Variants in GALNT11 observed in about 807,000 individuals in gnomAD.
GALNT11 encodes the protein polypeptide N-acetylgalactosaminyltransferase 11, also known as UDP-GalNAc:polypeptide N-acetylgalactosaminyltransferase 11.
In GALNT11, 47 loss-of-function variants were observed where a neutral mutation model predicts 72.7. The observed-to-expected ratio is 0.65, with a 90% confidence interval of 0.51 to 0.82. The LOEUF (loss-of-function observed/expected upper bound fraction) is 0.82. Ranked by LOEUF, GALNT11 falls within the 40% of genes least tolerant of loss-of-function variation. GALNT11 has a pLI of 0.00. For missense variants in GALNT11, 677 were observed against 778.4 expected (o/e 0.87, Z 1.55); for synonymous variants, 270 against 286.6 (o/e 0.94, Z 0.58).
Position 152,121,775 on chromosome 7 carries a change from C to T in GALNT11, c.*98C>T. The T allele has an allele frequency of 6.9e-7, 1 of 1,453,970 alleles. No individual in the cohort carries two copies. Among genetic ancestry groups the T allele is most frequent in the South Asian group, 1.3e-5 (1 of 75,078 alleles). 90.1% of individuals were successfully genotyped at this position (1,453,970 alleles called of 1,614,324 possible). On this transcript the variant is annotated 3_prime_UTR_variant, in exon 12 of 12. Coordinates refer to ENST00000430044, the MANE Select transcript of GALNT11 (RefSeq NM_022087.4). ...CCTGGGTTGGGTGGAGCAGAACCATCTTGGAGAAGATGACAGTTCCCTGTC... is the reference window on the plus strand; with the variant it reads ...CCTGGGTTGGGTGGAGCAGAACCATTTTGGAGAAGATGACAGTTCCCTGTC...
At chr7:152,031,083 A>T (rs2082285286) in intron 1 of GALNT11, among the ~76,000 whole-genome samples, 1 of 152,214 alleles carries the variant, frequency 6.6e-6, no homozygotes, top group African/African-American at 2.4e-5. Flanking sequence ...ACCTGTATAC[A>T]CATTTATTCT....
At chr7:152,106,034 C>G (rs1379232926) in intron 5 of GALNT11, among the ~76,000 whole-genome samples, 1 of 151,946 alleles carries the variant, frequency 6.6e-6, no homozygotes, top group Non-Finnish European at 1.5e-5. Flanking sequence ...TATATTGATT[C>G]TGTTGTATTT....
chr7:152,064,201 T>G (rs1227510058), intron 1 of GALNT11, among the ~76,000 whole-genome samples: 5 of 152,222 alleles, frequency 3.3e-5, no homozygotes, highest in Non-Finnish European at 5.9e-5. Flanking sequence ...TTGATCCCTT[T>G]ACCGTTATGT....
intron 1 of GALNT11, among the ~76,000 whole-genome samples, chr7:152,080,335 A>G (rs2085244967): frequency 6.6e-6 from 1 of 152,182 alleles, no homozygotes; most frequent in African/African-American, 2.4e-5. Context: ...AATCTTTTCC[A>G]TAGTTGTTCT....
Position 152,121,767 on chromosome 7 carries a change from A to T in GALNT11, c.*90A>T. 2 of 1,492,850 alleles carry T rather than the reference A, an allele frequency of 1.3e-6. No homozygotes were observed. Among genetic ancestry groups the T allele is most frequent in the South Asian group, 2.6e-5 (2 of 77,786 alleles). The allele number at this position is 1,492,850 out of a possible 1,614,324, so 92.5% of individuals were successfully genotyped here. ...TAGGAAAGCCTGGGTTGGGTGGAGC[A>T]GAACCATCTTGGAGAAGATGACAGT... On this transcript the variant is annotated 3_prime_UTR_variant, in exon 12 of 12. Transcript: ENST00000430044.
intron 1 of GALNT11, among the ~76,000 whole-genome samples, chr7:152,050,180 C>T (rs1321880048): frequency 1.3e-5 from 2 of 152,018 alleles, no homozygotes; most frequent in African/African-American, 4.8e-5. Flanking sequence ...AAGCAGAAGT[C>T]CCTTTCTGTA....
chr7:152,032,465 C>T (rs10235320), intron 1 of GALNT11, among the ~76,000 whole-genome samples: 23,743 of 151,082 alleles, frequency 0.16, 4,623 homozygotes, highest in African/African-American at 0.46. Flanking sequence ...TACTGCCTCA[C>T]TGATGAGTCT....
chr7:152,036,066 A>T (rs1050040527), intron 1 of GALNT11, among the ~76,000 whole-genome samples: 4 of 152,078 alleles, frequency 2.6e-5, no homozygotes, highest in African/African-American at 9.7e-5. Flanking sequence ...TCATTCCCTT[A>T]AGCTTTCAGG....
intron 1 of GALNT11, among the ~76,000 whole-genome samples, chr7:152,029,892 G>A (rs1033973564): frequency 2.6e-5 from 4 of 152,264 alleles, no homozygotes; most frequent in Non-Finnish European, 5.9e-5. Context: ...TTTTTGATAG[G>A]AAGGCTATGG....
chr7:152,037,970 A>T (rs1455544367), intron 1 of GALNT11, among the ~76,000 whole-genome samples: 2 of 151,966 alleles, frequency 1.3e-5, no homozygotes, highest in African/African-American at 4.8e-5. Context: ...GGGTCTCTCC[A>T]TGTTGGTCAG....
intron 1 of GALNT11, among the ~76,000 whole-genome samples, chr7:152,078,090 G>A (rs996814407): frequency 2.6e-5 from 4 of 151,894 alleles, no homozygotes; most frequent in Admixed American, 6.6e-5. Context: ...TGAATGAAGC[G>A]TGAGGGGGGA....
At chr7:152,026,985 C>T (rs2082048160) in intron 1 of GALNT11, among the ~76,000 whole-genome samples, 2 of 152,324 alleles carry the variant, frequency 1.3e-5, no homozygotes, top group South Asian at 4.1e-4. Context: ...TGCGGTGGCT[C>T]ACGCCTGTAA....
intron 1 of GALNT11, among the ~76,000 whole-genome samples, chr7:152,040,743 A>G (rs907465198): frequency 3.3e-5 from 5 of 152,254 alleles, no homozygotes; most frequent in Non-Finnish European, 7.3e-5. Context: ...TAATAGGCAT[A>G]TTAAAAGCAG....
chr7:152,105,209 C>A, intron 4 of GALNT11, 36 bp from the exon 5 acceptor site: 1 of 1,602,088 alleles, frequency 6.2e-7, no homozygotes, highest in South Asian at 1.1e-5. Flanking sequence ...ATATATGTCT[C>A]ATACAGTTTG....
chr7:152,120,004 G>C (rs192631620), intron 10 of GALNT11: 1 of 152,350 alleles, frequency 6.6e-6, no homozygotes, highest in East Asian at 1.9e-4. Flanking sequence ...ATTTGTTCCA[G>C]AAAATATAAG....
chr7:152,048,659 A>G (rs1371572028), intron 1 of GALNT11, among the ~76,000 whole-genome samples: 1 of 151,684 alleles, frequency 6.6e-6, no homozygotes, highest in Non-Finnish European at 1.5e-5. Context: ...CCTCCAGAGT[A>G]GCTGGGACTA....
At chr7:152,101,234 G>A (rs192170636) in intron 3 of GALNT11, among the ~76,000 whole-genome samples, 1 of 151,918 alleles carries the variant, frequency 6.6e-6, no homozygotes, top group East Asian at 1.9e-4. Context: ...ATGGCAAATA[G>A]GAATTAACAT....
intron 1 of GALNT11, among the ~76,000 whole-genome samples, chr7:152,076,526 C>G (rs1405441712): frequency 6.6e-6 from 1 of 152,166 alleles, no homozygotes; most frequent in East Asian, 1.9e-4. Flanking sequence ...GTGTAGCATA[C>G]GTATGTCAGA....
chr7:152,119,852 G>C (rs868154334), intron 10 of GALNT11: 1 of 152,170 alleles, frequency 6.6e-6, no homozygotes. Context: ...CTCCAGCCTA[G>C]TGACAGAGTA....
Sources: allele counts gnomAD v4.1 joint callset (sites outside exome capture counted in the v4.1 genomes callset), GRCh38; gene constraint gnomAD v4.1.1; transcripts MANE v1.5; gene names NCBI Gene and HGNC (gene_info 2026-07-23, HGNC 2026-07-21).